UBASH3B: variants seen among roughly 807,000 people sequenced by gnomAD.
UBASH3B encodes ubiquitin associated and SH3 domain containing B, also known as ubiquitin-associated and SH3 domain-containing protein B.
A neutral mutation model predicts 83.4 loss-of-function variants in UBASH3B; 37 were observed. The ratio of observed to expected loss-of-function variants is 0.44; its 90% CI spans 0.34 to 0.58. The LOEUF (loss-of-function observed/expected upper bound fraction) is 0.58. UBASH3B is among the 20% of genes least tolerant of loss of function. The probability of loss-of-function intolerance (pLI) is 0.01; values close to 1 mark genes in which losing one functional copy is unlikely to be tolerated. For synonymous variants in UBASH3B, 304 were observed against 318.3 expected (o/e 0.96, Z 0.48); for missense variants, 657 against 827.2 (o/e 0.79, Z 2.52).
intron 1 of UBASH3B, among the ~76,000 whole-genome samples, chr11:122,726,983 C>T (rs1860752515): frequency 6.6e-6 from 1 of 152,332 alleles, no homozygotes; most frequent in East Asian, 1.9e-4. Context: ...AAAATACTTC[C>T]CTCTTGTCCA....
chr11:122,722,131 A>G (rs1351125063), intron 1 of UBASH3B, among the ~76,000 whole-genome samples: 2 of 152,228 alleles, frequency 1.3e-5, no homozygotes, highest in Non-Finnish European at 2.9e-5. Flanking sequence ...CCTGCAGTAG[A>G]CAAGTTGTAT....
intron 5 of UBASH3B, among the ~76,000 whole-genome samples, chr11:122,786,997 C>A (rs7932342): frequency 4.9e-4 from 74 of 151,964 alleles, no homozygotes; most frequent in African/African-American, 1.7e-3. Flanking sequence ...CCGCTCCCCC[C>A]CCACCGCCCC....
chr11:122,777,192 A>G lies in UBASH3B; in HGVS notation c.384A>G (p.Thr128=). The G allele has an allele frequency of 6.2e-7, 1 of 1,612,522 alleles. No homozygotes were observed. The highest frequency in any genetic ancestry group is 8.5e-7 in the Non-Finnish European group (1 of 1,179,356). ...NKAHNIFPHI[T]LCQFFMCEDS... ...CACACAACATCTTCCCCCACATCAC[A>G]CTCTGCCAGTTCTTTATGGTGAGCG... Residue 128 remains threonine, a synonymous_variant, in exon 3 of 14, where the codon ACA becomes ACG. Coordinates refer to ENST00000284273, the MANE Select transcript of UBASH3B (RefSeq NM_032873.5).
intron 1 of UBASH3B, among the ~76,000 whole-genome samples, chr11:122,711,881 T>C (rs958420069): frequency 2.0e-5 from 3 of 152,114 alleles, no homozygotes; most frequent in African/African-American, 7.2e-5. Context: ...CCAGGGTTCA[T>C]TTTTTTCTAT....
intron 1 of UBASH3B, among the ~76,000 whole-genome samples, chr11:122,755,397 A>G (rs1861267527): frequency 6.6e-6 from 1 of 152,004 alleles, no homozygotes; most frequent in East Asian, 1.9e-4. Flanking sequence ...ATTTTCTTCT[A>G]TCTTATGGAA....
At chr11:122,792,867 C>T (rs1343499602) in intron 6 of UBASH3B, among the ~76,000 whole-genome samples, 5 of 152,070 alleles carry the variant, frequency 3.3e-5, no homozygotes, top group African/African-American at 4.8e-5. Flanking sequence ...AACCCCAGCA[C>T]GAGTGTATTT....
Position 122,674,724 on chromosome 11 carries a change from GTT to G in UBASH3B, c.161+18535_161+18536del, listed in dbSNP as rs35117227. Among the ~76,000 whole-genome samples, 153 of 112,318 alleles carry G rather than the reference GTT, an allele frequency of 1.4e-3. 2 individuals are homozygous for G. The highest frequency in any genetic ancestry group is 4.9e-3 in the African/African-American group (147 of 29,846). The allele number at this position is 112,318 out of a possible 152,430, so 73.7% of individuals were successfully genotyped here. The stretch of plus-strand genomic sequence containing the variant: ...TCAGCACAGCAAAGCTCTGCAGTTA[GTT>G]TTTTTTTTTTTTTTTTTTTTGAGGC... On this transcript the variant is annotated intron_variant, in intron 1 of 13. Transcript: ENST00000284273.
chr11:122,770,161 C>A (rs776921916), intron 1 of UBASH3B, among the ~76,000 whole-genome samples: 1 of 152,206 alleles, frequency 6.6e-6, no homozygotes, highest in Non-Finnish European at 1.5e-5. Context: ...CCTACCGCCA[C>A]GCATGTGAGT....
intron 6 of UBASH3B, 41 bp downstream of exon 6, chr11:122,789,349 T>C (rs1439157753): frequency 6.2e-7 from 1 of 1,605,788 alleles, no homozygotes; most frequent in East Asian, 2.2e-5. Flanking sequence ...TGAAGAATGT[T>C]GCTAAGGCAG....
intron 1 of UBASH3B, among the ~76,000 whole-genome samples, chr11:122,658,894 A>G (rs1863397414): frequency 6.6e-6 from 1 of 152,244 alleles, no homozygotes; most frequent in Non-Finnish European, 1.5e-5. Context: ...TGTAGAGACC[A>G]GGAGTTGAAA....
intron 1 of UBASH3B, among the ~76,000 whole-genome samples, chr11:122,768,508 GTATA>G (rs3031285): frequency 5.8e-4 from 78 of 134,398 alleles, no homozygotes; most frequent in African/African-American, 2.1e-3. Flanking sequence ...GTGTGTGTGT[GTATA>G]TATATATATT....
intron 12 of UBASH3B, 123 bp from the exon 13 acceptor site, chr11:122,807,944 T>C (rs956998920): frequency 1.1e-5 from 8 of 747,758 alleles, no homozygotes; most frequent in Non-Finnish European, 1.9e-5. Context: ...AAATATTGCT[T>C]AGGCAAATTG....
intron 8 of UBASH3B, 42 bp from the exon 9 acceptor site, chr11:122,796,869 A>C: frequency 6.2e-7 from 1 of 1,613,960 alleles, no homozygotes; most frequent in Non-Finnish European, 8.5e-7. Context: ...CCAAGTAAAC[A>C]AGAAATGTAT....
At chr11:122,767,502 G>C (rs967669805) in intron 1 of UBASH3B, among the ~76,000 whole-genome samples, 1 of 152,010 alleles carries the variant, frequency 6.6e-6, no homozygotes, top group Non-Finnish European at 1.5e-5. Flanking sequence ...TAGTAGAGAC[G>C]AGGTTTCACC....
chr11:122,753,877 T>G (rs1490588390), intron 1 of UBASH3B, among the ~76,000 whole-genome samples: 1 of 152,226 alleles, frequency 6.6e-6, no homozygotes, highest in Non-Finnish European at 1.5e-5. Flanking sequence ...CAGTATTCCC[T>G]GCCCTATCTA....
chr11:122,674,474 C>T (rs191998193), intron 1 of UBASH3B, among the ~76,000 whole-genome samples: 1,519 of 150,800 alleles, frequency 0.01, 13 homozygotes, highest in African/African-American at 0.035. Flanking sequence ...TCCGCCTCCC[C>T]GGTTCACGCC....
chr11:122,688,452 G>GTT (rs1168505058), intron 1 of UBASH3B, among the ~76,000 whole-genome samples: 1 of 136,960 alleles, frequency 7.3e-6, no homozygotes, highest in Non-Finnish European at 1.6e-5. Context: ...TGGTTTGTTT[G>GTT]TTTTTTTTTT....
In UBASH3B at chr11:122,810,291, G is replaced by A. The variant is rs553179322; in HGVS notation, c.*405G>A. 6.3e-6 allele frequency: 1 copy of A among 158,132 alleles called. No homozygotes were observed. The highest frequency in any genetic ancestry group is 2.0e-4 in the South Asian group (1 of 4,968). 9.8% of individuals were successfully genotyped at this position (158,132 alleles called of 1,614,324 possible). On this transcript the variant is annotated 3_prime_UTR_variant, in exon 14 of 14. Coordinates refer to ENST00000284273, the MANE Select transcript of UBASH3B (RefSeq NM_032873.5). ...TGGGGGAGCATTGAAAGGACAGCTT[G>A]GGGATGGAATTTTTTTTTTTTTATC...
chr11:122,794,644 G>A (rs1861121375), intron 6 of UBASH3B, 58 bp from the exon 7 acceptor site: 1 of 1,609,254 alleles, frequency 6.2e-7, no homozygotes. Flanking sequence ...GAGCCCAGGA[G>A]GAAGTGCTGA....
Sources: allele counts gnomAD v4.1 joint callset (sites outside exome capture counted in the v4.1 genomes callset), GRCh38; gene constraint gnomAD v4.1.1; transcripts MANE v1.5; gene names NCBI Gene and HGNC (gene_info 2026-07-23, HGNC 2026-07-21).